PTCHD4: variants seen among roughly 807,000 people sequenced by gnomAD.
PTCHD4 encodes the protein patched domain containing 4, also known as patched domain-containing protein 4.
Under a neutral mutation model 58.1 loss-of-function variants are expected in PTCHD4, and 33 were observed. The ratio of observed to expected loss-of-function variants is 0.57; its 90% CI spans 0.43 to 0.76. The LOEUF (loss-of-function observed/expected upper bound fraction) is 0.76, where lower values mean the gene tolerates loss of function less well. PTCHD4 is among the 30% of genes least tolerant of loss of function. The probability of loss-of-function intolerance (pLI) is 0.00; values close to 1 mark genes in which losing one functional copy is unlikely to be tolerated. For synonymous variants in PTCHD4, 478 were observed against 409.6 expected (o/e 1.17, Z -2.02); for missense variants, 1,058 against 1,027.1 (o/e 1.03, Z -0.41).
At position 47,879,175 on chromosome 6, in the gene PTCHD4, A is replaced by G; in HGVS notation, c.1660T>C (p.Phe554Leu). 3.1e-6 allele frequency: 5 copies of G among 1,612,190 alleles called. No homozygotes were observed. The highest frequency in any genetic ancestry group is 4.2e-6 in the Non-Finnish European group (5 of 1,179,666). Residue 554 changes from phenylalanine (F) to leucine (L), a missense_variant, in exon 5 of 5, where the codon TTC (phenylalanine) becomes CTC (leucine). Physicochemically the swap from Phe to Leu is conservative, Grantham distance 22. Coordinates refer to ENST00000339488, the MANE Select transcript of PTCHD4 (RefSeq NM_001384253.1). ...AVSWVEQYYQ[F>L]LKVSNVSANN... Reference sequence around the variant, plus strand: ...GCACTGACGTTGCTGACTTTCAGGAACTGGTAGTACTGCTCCACCCAGGAC... The same window carrying G: ...GCACTGACGTTGCTGACTTTCAGGAGCTGGTAGTACTGCTCCACCCAGGAC...
chr6:47,901,425 CCT>C, intron 4 of PTCHD4: 1 of 977,320 alleles, frequency 1.0e-6, no homozygotes. Context: ...ATTGTTCCTC[CCT>C]CTCACATATT....
At chr6:47,939,039 G>T (rs1402624003) in intron 4 of PTCHD4, among the ~76,000 whole-genome samples, 1 of 152,094 alleles carries the variant, frequency 6.6e-6, no homozygotes, top group Non-Finnish European at 1.5e-5. Flanking sequence ...GTTACAGGGG[G>T]AAAATGGGGA....
intron 4 of PTCHD4, among the ~76,000 whole-genome samples, chr6:47,970,859 G>A (rs1767481079): frequency 6.6e-6 from 1 of 152,196 alleles, no homozygotes; most frequent in African/African-American, 2.4e-5. Context: ...TGCACTGACT[G>A]AAAACATCCA....
Position 48,069,945 on chromosome 6 carries a change from G to T in PTCHD4, c.-969-19C>A, listed in dbSNP as rs952235232. 2.6e-5 allele frequency among the ~76,000 whole-genome samples: 4 copies of T among 151,850 alleles called. No individual in the cohort carries two copies. The highest frequency in any genetic ancestry group is 9.7e-5 in the African/African-American group (4 of 41,318). On this transcript the variant is annotated intron_variant, in intron 1 of 4. Transcript: ENST00000339488. ...GTTTTGCCTGAAAAAAAAGAGAGTC[G>T]GGTGGGTAGAGGGAAACCTATTGGA...
Position 47,861,664 on chromosome 6 carries a change from C to G in PTCHD4, c.*16639G>C, listed in dbSNP as rs1322027456. Among the ~76,000 whole-genome samples the G allele has an allele frequency of 6.6e-6, 1 of 151,884 alleles. No homozygotes were observed. The highest frequency in any genetic ancestry group is 1.5e-5 in the Non-Finnish European group (1 of 67,886). On this transcript the variant is annotated 3_prime_UTR_variant, in exon 5 of 5. Coordinates refer to ENST00000339488, the MANE Select transcript of PTCHD4 (RefSeq NM_001384253.1). Reference sequence around the variant, plus strand: ...TCTTGAACAATTTTTAGATTAATAGCAGGTTAATTAGGTTAATAGCAGGCA... The same window carrying G: ...TCTTGAACAATTTTTAGATTAATAGGAGGTTAATTAGGTTAATAGCAGGCA...
intron 4 of PTCHD4, among the ~76,000 whole-genome samples, chr6:47,891,411 G>A (rs897593623): frequency 4.0e-5 from 6 of 151,402 alleles, no homozygotes; most frequent in Admixed American, 6.6e-5. Context: ...GGCATGAACC[G>A]AGACAAAACG....
chr6:48,062,299 C>T (rs534466657), intron 3 of PTCHD4, among the ~76,000 whole-genome samples: 13 of 152,150 alleles, frequency 8.5e-5, no homozygotes, highest in Admixed American at 2.0e-4. Context: ...TCTTGGTCTC[C>T]TTATACACTT....
intron 4 of PTCHD4, among the ~76,000 whole-genome samples, chr6:47,927,774 A>T (rs992362126): frequency 1.3e-5 from 2 of 151,016 alleles, no homozygotes; most frequent in Non-Finnish European, 3.0e-5. Context: ...TTATTTATTT[A>T]TTTTTTCATT....
At position 47,870,368 on chromosome 6, in the gene PTCHD4, A is replaced by C. The variant is rs2114077128; in HGVS notation, c.*7935T>G. Among the ~76,000 whole-genome samples the C allele has an allele frequency of 3.3e-5, 5 of 151,812 alleles. No homozygotes were observed. In the Middle Eastern group the frequency reaches 0.017, roughly 516 times the overall value. ...ACATGAAAATAATGATGAACCGAACAAGGAAATATTTGGAACATAATTTCC... is the reference window on the plus strand; with the variant it reads ...ACATGAAAATAATGATGAACCGAACCAGGAAATATTTGGAACATAATTTCC... On this transcript the variant is annotated 3_prime_UTR_variant, in exon 5 of 5. Coordinates refer to ENST00000339488, the MANE Select transcript of PTCHD4 (RefSeq NM_001384253.1).
At position 47,861,961 on chromosome 6, in the gene PTCHD4, G is replaced by A. The variant is rs543976001; in HGVS notation, c.*16342C>T. Reference sequence around the variant, plus strand: ...GTAACTGTCCATATTTCCTGTTATCGAAAAAGTTCTTCCAATCAGTTATTC... The same window carrying A: ...GTAACTGTCCATATTTCCTGTTATCAAAAAAGTTCTTCCAATCAGTTATTC... On this transcript the variant is annotated 3_prime_UTR_variant, in exon 5 of 5. Transcript: ENST00000339488. Among the ~76,000 whole-genome samples the A allele has an allele frequency of 2.0e-5, 3 of 151,728 alleles. No individual in the cohort carries two copies. Among genetic ancestry groups the A allele is most frequent in the Non-Finnish European group, 2.9e-5 (2 of 67,806 alleles).
intron 4 of PTCHD4, among the ~76,000 whole-genome samples, chr6:47,952,811 G>A (rs145757751): frequency 6.6e-6 from 1 of 152,074 alleles, no homozygotes; most frequent in Non-Finnish European, 1.5e-5. Flanking sequence ...TTTGCACAGT[G>A]ACAAAATCAT....
Position 47,987,266 on chromosome 6 carries a change from G to T in PTCHD4, c.898+21368C>A, listed in dbSNP as rs1210382161. 5.1e-5 allele frequency among the ~76,000 whole-genome samples: 6 copies of T among 118,568 alleles called. No homozygotes were observed. The East Asian group carries it at 1.9e-3, about 37-fold the overall frequency. 77.8% of individuals were successfully genotyped at this position (118,568 alleles called of 152,430 possible). Reference sequence around the variant, plus strand: ...GGAACTGTTGTGGGTGGGGGGAGGGGGGAAGGGGGAGGGATAACATTAGGA... The same window carrying T: ...GGAACTGTTGTGGGTGGGGGGAGGGTGGAAGGGGGAGGGATAACATTAGGA... On this transcript the variant is annotated intron_variant, in intron 4 of 4. Transcript: ENST00000339488.
intron 4 of PTCHD4, among the ~76,000 whole-genome samples, chr6:47,983,973 T>C (rs1767976868): frequency 6.6e-6 from 1 of 152,192 alleles, no homozygotes; most frequent in African/African-American, 2.4e-5. Context: ...CCCATTGTAA[T>C]ACAGTATATT....
chr6:48,033,905 T>G (rs1004724510), intron 3 of PTCHD4, among the ~76,000 whole-genome samples: 3 of 152,050 alleles, frequency 2.0e-5, no homozygotes, highest in African/African-American at 7.2e-5. Context: ...GGAGCACCAT[T>G]TTATGGAAAA....
intron 4 of PTCHD4, among the ~76,000 whole-genome samples, chr6:47,947,246 T>A (rs541098425): frequency 1.3e-5 from 2 of 152,136 alleles, no homozygotes; most frequent in Non-Finnish European, 2.9e-5. Context: ...GTAAAGAAAA[T>A]TTTATATTGA....
At chr6:47,956,592 C>A (rs1282921002) in intron 4 of PTCHD4, among the ~76,000 whole-genome samples, 1 of 151,962 alleles carries the variant, frequency 6.6e-6, no homozygotes, top group Non-Finnish European at 1.5e-5. Flanking sequence ...CACCACCACG[C>A]CCGGCTAATT....
intron 3 of PTCHD4, among the ~76,000 whole-genome samples, chr6:48,034,772 AT>A (rs1763570528): frequency 6.6e-6 from 1 of 152,138 alleles, no homozygotes; most frequent in South Asian, 2.1e-4. Flanking sequence ...TTTGCAGCCA[AT>A]GAAAATTTTG....
intron 1 of PTCHD4, among the ~76,000 whole-genome samples, chr6:48,086,000 G>A (rs961878827): frequency 6.6e-6 from 1 of 151,486 alleles, no homozygotes; most frequent in Non-Finnish European, 1.5e-5. Flanking sequence ...ATATTTTTTG[G>A]TTTTGACATG....
intron 4 of PTCHD4, among the ~76,000 whole-genome samples, chr6:47,916,449 C>T (rs777832010): frequency 3.9e-5 from 6 of 152,016 alleles, no homozygotes; most frequent in Non-Finnish European, 7.4e-5. Context: ...CAGGATGGAC[C>T]ATTTTGAGCC....
Sources: gnomAD v4.1 joint callset for allele counts (sites outside exome capture counted in the v4.1 genomes callset) on GRCh38, gnomAD v4.1.1 for gene constraint, MANE v1.5 for transcripts, NCBI Gene and HGNC (gene_info 2026-07-23, HGNC 2026-07-21) for gene names.